The following TBC1D5 variants were observed in gnomAD, a reference collection of about 807,000 sequenced individuals.
TBC1D5 encodes the protein TBC1 domain family, member 5.
Under a neutral mutation model 100.3 loss-of-function variants are expected in TBC1D5, and 75 were observed. That is an observed-to-expected ratio of 0.75 (90% confidence interval 0.62 to 0.91). The LOEUF (loss-of-function observed/expected upper bound fraction) is 0.91, where lower values mean the gene tolerates loss of function less well. Among genes scored for constraint, TBC1D5 ranks in the 40% least tolerant of loss-of-function variants. TBC1D5 has a pLI of 0.00. For missense variants in TBC1D5, 910 were observed against 942.4 expected (o/e 0.97, Z 0.45); for synonymous variants, 323 against 325.6 (o/e 0.99, Z 0.09).
At chr3:17,479,654 G>C (rs1420562770) in intron 3 of TBC1D5, among the ~76,000 whole-genome samples, 1 of 152,140 alleles carries the variant, frequency 6.6e-6, no homozygotes, top group Non-Finnish European at 1.5e-5. Flanking sequence ...CTGGGCAACA[G>C]AGTGAGACCC....
chr3:17,565,894 G>A (rs937214462), intron 2 of TBC1D5, among the ~76,000 whole-genome samples: 1 of 151,948 alleles, frequency 6.6e-6, no homozygotes, highest in Admixed American at 6.6e-5. Flanking sequence ...TCCTCCACTA[G>A]TCTCTTTAAT....
intron 1 of TBC1D5, among the ~76,000 whole-genome samples, chr3:17,693,488 G>A (rs1051248590): frequency 2.6e-5 from 4 of 152,234 alleles, no homozygotes; most frequent in African/African-American, 7.2e-5. Flanking sequence ...TGCTAGCGCA[G>A]CAGTCTGAGA....
At chr3:17,659,717 C>G (rs2066463793) in intron 1 of TBC1D5, among the ~76,000 whole-genome samples, 1 of 152,096 alleles carries the variant, frequency 6.6e-6, no homozygotes, top group Non-Finnish European at 1.5e-5. Flanking sequence ...ATTCAAACCT[C>G]AAACTTACAT....
chr3:17,632,574 T>TA (rs937588374), intron 1 of TBC1D5, among the ~76,000 whole-genome samples: 8 of 152,188 alleles, frequency 5.3e-5, no homozygotes, highest in African/African-American at 1.2e-4. Flanking sequence ...AGTCAACTGA[T>TA]ACGGCAAATT....
intron 17 of TBC1D5, among the ~76,000 whole-genome samples, chr3:17,235,653 T>C (rs1477388162): frequency 6.6e-6 from 1 of 152,216 alleles, no homozygotes; most frequent in African/African-American, 2.4e-5. Context: ...CATAGATTTT[T>C]AGAGGTGGGA....
intron 3 of TBC1D5, among the ~76,000 whole-genome samples, chr3:17,474,640 A>G (rs2095417082): frequency 6.6e-6 from 1 of 152,166 alleles, no homozygotes; most frequent in Non-Finnish European, 1.5e-5. Flanking sequence ...ATAAATAAAA[A>G]CTTTATGTTC....
At chr3:17,442,008 T>C (rs964767327) in intron 3 of TBC1D5, among the ~76,000 whole-genome samples, 4 of 152,132 alleles carry the variant, frequency 2.6e-5, no homozygotes, top group African/African-American at 9.7e-5. Context: ...CAAAAACCAC[T>C]TGAGTGCTCT....
intron 3 of TBC1D5, among the ~76,000 whole-genome samples, chr3:17,478,092 G>T (rs986601635): frequency 7.9e-5 from 12 of 151,950 alleles, no homozygotes; most frequent in African/African-American, 2.9e-4. Context: ...TTTTTAATCT[G>T]GAAAATCCAG....
chr3:17,373,865 T>A (rs1180606962), intron 12 of TBC1D5, among the ~76,000 whole-genome samples: 1 of 151,846 alleles, frequency 6.6e-6, no homozygotes, highest in Non-Finnish European at 1.5e-5. Flanking sequence ...AAATGGAGAG[T>A]GACTGTTAAT....
chr3:17,209,558 T>C (rs1015154654), intron 18 of TBC1D5, among the ~76,000 whole-genome samples: 2 of 152,214 alleles, frequency 1.3e-5, no homozygotes, highest in African/African-American at 4.8e-5. Flanking sequence ...TGCAAGCACA[T>C]AGTTCCCACG....
At chr3:17,217,650 T>C (rs1411379817) in intron 17 of TBC1D5, among the ~76,000 whole-genome samples, 1 of 152,124 alleles carries the variant, frequency 6.6e-6, no homozygotes, top group Non-Finnish European at 1.5e-5. Context: ...TTTCAGGTGC[T>C]TATTAGACAC....
intron 18 of TBC1D5, among the ~76,000 whole-genome samples, chr3:17,199,498 T>C (rs2071180252): frequency 6.6e-6 from 1 of 152,244 alleles, no homozygotes; most frequent in Admixed American, 6.5e-5. Flanking sequence ...AACAGTTGCA[T>C]GTAGAGTGTA....
intron 15 of TBC1D5, among the ~76,000 whole-genome samples, chr3:17,291,330 TTGG>T (rs1225388093): frequency 4.6e-5 from 7 of 152,240 alleles, no homozygotes; most frequent in Admixed American, 4.6e-4. Context: ...AAAGAAAATT[TTGG>T]TGAATTGCTT....
At chr3:17,410,800 T>G (rs1377754412) in intron 4 of TBC1D5, among the ~76,000 whole-genome samples, 1 of 152,172 alleles carries the variant, frequency 6.6e-6, no homozygotes, top group African/African-American at 2.4e-5. Context: ...AATTAGAAGT[T>G]GCTTCTTATG....
rs1192907044 is a variant in TBC1D5, at chr3:17,699,596, T to C, written c.-101+39747A>G. ...ATAATAATTGACCTATTATCCTCTA[T>C]GAGTCTCATCATCTGATACAGATTT... On this transcript the variant is annotated intron_variant, in intron 1 of 21. Transcript: ENST00000253692. Among the ~76,000 whole-genome samples, 12 of 146,070 alleles carry C rather than the reference T, an allele frequency of 8.2e-5. 1 individual carries two copies. The highest frequency in any genetic ancestry group is 7.5e-5 in the Non-Finnish European group (5 of 66,664).
chr3:17,383,022 A>G (rs1003881375), intron 9 of TBC1D5, among the ~76,000 whole-genome samples: 11 of 152,126 alleles, frequency 7.2e-5, no homozygotes, highest in Non-Finnish European at 1.3e-4. Flanking sequence ...ACTATTAAAA[A>G]TAAGATAAAA....
At chr3:17,602,930 G>C (rs1048961829) in intron 2 of TBC1D5, among the ~76,000 whole-genome samples, 3 of 152,146 alleles carry the variant, frequency 2.0e-5, no homozygotes, top group Non-Finnish European at 4.4e-5. Context: ...CCAGTGTGCA[G>C]GTTGGCCAGA....
At chr3:17,576,557 A>G (rs928130322) in intron 2 of TBC1D5, 14 of 152,064 alleles carry the variant, frequency 9.2e-5, no homozygotes, top group African/African-American at 3.1e-4. Context: ...TTTCTAAAAC[A>G]AAATGGATAA....
At chr3:17,308,350 G>A (rs186963089) in intron 13 of TBC1D5, among the ~76,000 whole-genome samples, 14 of 151,778 alleles carry the variant, frequency 9.2e-5, no homozygotes, top group South Asian at 2.1e-4. Flanking sequence ...ATATACACAC[G>A]TATTATACAT....
Sources: gnomAD v4.1 joint callset for allele counts (sites outside exome capture counted in the v4.1 genomes callset) on GRCh38, gnomAD v4.1.1 for gene constraint, MANE v1.5 for transcripts, NCBI Gene and HGNC (gene_info 2026-07-23, HGNC 2026-07-21) for gene names.